FSTL5: variants seen among roughly 807,000 people sequenced by gnomAD.
FSTL5 encodes the protein follistatin like 5.
FSTL5 carries 62 observed loss-of-function variants against 89.1 expected under a neutral mutation model. The ratio of observed to expected loss-of-function variants is 0.70; its 90% CI spans 0.57 to 0.86. The LOEUF (loss-of-function observed/expected upper bound fraction) is 0.86, where lower values mean the gene tolerates loss of function less well. Among genes scored for constraint, FSTL5 ranks in the 40% least tolerant of loss-of-function variants. The probability of loss-of-function intolerance (pLI) is 0.00; values close to 1 mark genes in which losing one functional copy is unlikely to be tolerated. For synonymous variants in FSTL5, 383 were observed against 346.2 expected (o/e 1.11, Z -1.18); for missense variants, 1,057 against 1,001.6 (o/e 1.06, Z -0.75).
At chr4:161,720,289 G>C (rs1739149354) in intron 6 of FSTL5, among the ~76,000 whole-genome samples, 1 of 151,660 alleles carries the variant, frequency 6.6e-6, no homozygotes, top group Non-Finnish European at 1.5e-5. Context: ...AATCATCAGG[G>C]AAATGCAAAT....
intron 4 of FSTL5, among the ~76,000 whole-genome samples, chr4:161,900,791 C>T (rs1733339237): frequency 6.6e-6 from 1 of 151,670 alleles, no homozygotes; most frequent in African/African-American, 2.4e-5. Flanking sequence ...AAGGGTGGTA[C>T]TTGTTTGGTC....
chr4:162,112,830 T>C (rs563972789), intron 1 of FSTL5, among the ~76,000 whole-genome samples: 1 of 145,574 alleles, frequency 6.9e-6, no homozygotes, highest in African/African-American at 2.6e-5. Flanking sequence ...TGGGCATTCC[T>C]AATCCATTCT....
chr4:161,918,118 C>A (rs1444597592), intron 4 of FSTL5, among the ~76,000 whole-genome samples: 2 of 152,122 alleles, frequency 1.3e-5, no homozygotes, highest in African/African-American at 4.8e-5. Flanking sequence ...ATATAATTCA[C>A]AATTATAAAA....
At chr4:161,648,887 T>C (rs918675120) in intron 7 of FSTL5, among the ~76,000 whole-genome samples, 8 of 152,192 alleles carry the variant, frequency 5.3e-5, no homozygotes, top group Admixed American at 2.6e-4. Context: ...GGCTCCTGAA[T>C]GTGTACATAA....
chr4:161,451,545 A>C (rs1733163300), intron 15 of FSTL5, among the ~76,000 whole-genome samples: 5 of 152,222 alleles, frequency 3.3e-5, no homozygotes. Context: ...TGAGCAACTG[A>C]ATACTCAAAC....
chr4:161,441,415 C>G (rs1732757906), intron 15 of FSTL5, among the ~76,000 whole-genome samples: 1 of 152,052 alleles, frequency 6.6e-6, no homozygotes, highest in African/African-American at 2.4e-5. Context: ...ACAAAAAAAG[C>G]ATTATAATTT....
intron 4 of FSTL5, among the ~76,000 whole-genome samples, chr4:161,908,672 T>C (rs1012292377): frequency 2.0e-5 from 3 of 152,010 alleles, no homozygotes; most frequent in Non-Finnish European, 4.4e-5. Context: ...ATACACAAAA[T>C]TAAAATATGC....
chr4:161,974,737 C>A (rs1290429605), intron 3 of FSTL5, among the ~76,000 whole-genome samples: 50 of 121,916 alleles, frequency 4.1e-4, no homozygotes, highest in African/African-American at 1.4e-3. Flanking sequence ...GCAACAAAAG[C>A]CAAAATTGAC....
intron 4 of FSTL5, among the ~76,000 whole-genome samples, chr4:161,890,172 T>C (rs1000442599): frequency 2.0e-5 from 3 of 152,158 alleles, no homozygotes; most frequent in Admixed American, 2.0e-4. Context: ...TTCAATAAAC[T>C]GCAATAGGGA....
At chr4:161,436,850 G>A (rs556855689) in intron 15 of FSTL5, among the ~76,000 whole-genome samples, 1 of 152,266 alleles carries the variant, frequency 6.6e-6, no homozygotes, top group South Asian at 2.1e-4. Flanking sequence ...TTTTAAGATT[G>A]CAGGGGAAAG....
intron 1 of FSTL5, among the ~76,000 whole-genome samples, chr4:162,133,626 T>C (rs910029732): frequency 3.9e-5 from 6 of 152,188 alleles, no homozygotes; most frequent in Non-Finnish European, 7.3e-5. Flanking sequence ...GGTGAGTATT[T>C]CAGCTGGTGC....
chr4:161,533,192 A>T (rs984586862), intron 10 of FSTL5, among the ~76,000 whole-genome samples: 2 of 151,482 alleles, frequency 1.3e-5, no homozygotes, highest in Non-Finnish European at 2.9e-5. Flanking sequence ...AGGCAATCCA[A>T]TTCCAAACCT....
intron 10 of FSTL5, among the ~76,000 whole-genome samples, chr4:161,533,815 T>C (rs1449280653): frequency 2.0e-5 from 3 of 151,818 alleles, no homozygotes; most frequent in Admixed American, 1.3e-4. Flanking sequence ...CTGATGAACA[T>C]AGATGCAAAA....
intron 2 of FSTL5, among the ~76,000 whole-genome samples, chr4:162,092,328 T>G (rs2111360380): frequency 6.6e-6 from 1 of 152,306 alleles, no homozygotes; most frequent in East Asian, 1.9e-4. Flanking sequence ...TCACGAAATA[T>G]TCTTAAATCA....
At chr4:162,055,192 C>T (rs920461346) in intron 2 of FSTL5, among the ~76,000 whole-genome samples, 5 of 151,836 alleles carry the variant, frequency 3.3e-5, no homozygotes, top group African/African-American at 1.2e-4. Context: ...ACTTCTTTTT[C>T]ATCTACTTTG....
chr4:161,741,983 C>T (rs749364774), intron 6 of FSTL5, among the ~76,000 whole-genome samples: 11 of 151,920 alleles, frequency 7.2e-5, no homozygotes, highest in Non-Finnish European at 1.3e-4. Flanking sequence ...AAGAATGTGT[C>T]TTATGGTAAG....
At chr4:162,002,882 T>C (rs531535376) in intron 3 of FSTL5, among the ~76,000 whole-genome samples, 1 of 152,198 alleles carries the variant, frequency 6.6e-6, no homozygotes, top group East Asian at 1.9e-4. Context: ...CAGTGGCTCA[T>C]GCCTGTAATC....
At chr4:161,542,851 A>C (rs1420062566) in intron 8 of FSTL5, among the ~76,000 whole-genome samples, 158 bp from the exon 9 acceptor site, 1 of 152,100 alleles carries the variant, frequency 6.6e-6, no homozygotes, top group East Asian at 1.9e-4. Flanking sequence ...TATCCACTGA[A>C]ATGTACCAGT....
At chr4:161,750,353 T>A (rs1417901401) in intron 6 of FSTL5, among the ~76,000 whole-genome samples, 2 of 152,256 alleles carry the variant, frequency 1.3e-5, no homozygotes, top group Admixed American at 6.5e-5. Flanking sequence ...TGTACTGTAA[T>A]AATGTAAAAT....
Sources: gnomAD v4.1 joint callset for allele counts (sites outside exome capture counted in the v4.1 genomes callset) on GRCh38, gnomAD v4.1.1 for gene constraint, MANE v1.5 for transcripts, NCBI Gene and HGNC (gene_info 2026-07-23, HGNC 2026-07-21) for gene names.